Variants in DNAH1 observed in about 807,000 individuals in gnomAD.
DNAH1 encodes axonemal beta dynein heavy chain 1.
In DNAH1, 327 loss-of-function variants were observed where a neutral mutation model predicts 484.3. The observed-to-expected ratio is 0.68, with a 90% confidence interval of 0.62 to 0.74. DNAH1 has a LOEUF of 0.74. DNAH1 is among the 30% of genes least tolerant of loss of function. The pLI is 0.00. For missense variants in DNAH1, 5,052 were observed against 5,546.8 expected (o/e 0.91, Z 2.83); for synonymous variants, 2,192 against 2,191.9 (o/e 1.00, Z 0.00).
Position 52,372,030 on chromosome 3 carries a change from A to G in DNAH1, c.6610A>G (p.Met2204Val), listed in dbSNP as rs199912441. 5.1e-4 allele frequency: 825 copies of G among 1,613,846 alleles called. 4 individuals are homozygous for G. The highest frequency in any genetic ancestry group is 4.4e-4 in the Non-Finnish European group (521 of 1,179,866). Reference sequence around the variant, plus strand: ...CTACTGCAACATCATTGTGCCCACCATGGACACCGTGCAGATGTCCCATTT... The same window carrying G: ...CTACTGCAACATCATTGTGCCCACCGTGGACACCGTGCAGATGTCCCATTT... ...TNYCNIIVPT[M>V]DTVQMSHLLD... The change falls in exon 42 of 78, where the codon ATG becomes GTG. Residue 2204 changes from methionine to valine, a missense_variant. Met to Val is a conservative substitution (Grantham distance 21, BLOSUM62 1). Around this residue, in one of 4 missense-constraint regions of DNAH1, gnomAD observed 2,929 missense variants for 3,409.4 expected, o/e 0.86. Transcript: ENST00000420323.
chr3:52,314,194 A>G (rs1372917765), upstream of DNAH1, among the ~76,000 whole-genome samples: 1 of 152,234 alleles, frequency 6.6e-6, no homozygotes, highest in African/African-American at 2.4e-5. Context: ...GGGACTGAGG[A>G]AAAATCAGAG....
chr3:52,390,749 C>T (rs1352996204), intron 60 of DNAH1, among the ~76,000 whole-genome samples, 186 bp from the exon 61 acceptor site: 2 of 152,124 alleles, frequency 1.3e-5, no homozygotes, highest in South Asian at 4.1e-4. Flanking sequence ...AGCCCAGGAG[C>T]GAGGGAGAGG....
In DNAH1 at chr3:52,331,154, C is replaced by G; in HGVS notation, c.878C>G (p.Pro293Arg). 1 of 1,591,860 alleles carries G rather than the reference C, an allele frequency of 6.3e-7. No individual in the cohort carries two copies. Among genetic ancestry groups the G allele is most frequent in the Non-Finnish European group, 8.6e-7 (1 of 1,168,946 alleles). Residue 293 changes from proline to arginine, a missense_variant, in exon 7 of 78, where the codon CCC (proline) becomes CGC (arginine). Physicochemically the swap from Pro to Arg is moderately radical, Grantham distance 103 (BLOSUM62 -2). Around this residue, in one of 4 missense-constraint regions of DNAH1, gnomAD observed 1,263 missense variants for 1,218.8 expected, o/e 1.04. Coordinates refer to ENST00000420323, the MANE Select transcript of DNAH1 (RefSeq NM_015512.5). ...PTDDFLGHEDPKSQKLKYKWC... is the reference protein window; with the variant it reads ...PTDDFLGHEDRKSQKLKYKWC... Reference sequence around the variant, plus strand: ...GTTTCTCCTCCTGTTTCAGAGGACCCCAAGAGTCAGAAGCTGAAGTACAAA... The same window carrying G: ...GTTTCTCCTCCTGTTTCAGAGGACCGCAAGAGTCAGAAGCTGAAGTACAAA...
intron 47 of DNAH1, among the ~76,000 whole-genome samples, 187 bp downstream of exon 47, chr3:52,378,967 C>G (rs927033436): frequency 3.3e-5 from 5 of 152,248 alleles, no homozygotes; most frequent in African/African-American, 1.2e-4. Flanking sequence ...GAACCCACAC[C>G]TGGAATGGTG....
At chr3:52,367,219 G>A (rs750239321) in intron 36 of DNAH1, among the ~76,000 whole-genome samples, 11 of 152,324 alleles carry the variant, frequency 7.2e-5, no homozygotes, top group Middle Eastern at 3.4e-3. Context: ...CTCCCAGGCC[G>A]GGGTGTGCAT....
intron 46 of DNAH1, 111 bp from the exon 47 acceptor site, chr3:52,378,491 G>A: frequency 8.4e-7 from 1 of 1,190,286 alleles, no homozygotes; most frequent in Non-Finnish European, 1.2e-6. Context: ...GAAGGCTGGG[G>A]AAGGGGCTTG....
intron 44 of DNAH1, chr3:52,374,922 T>C (rs1429758601): frequency 5.4e-6 from 4 of 740,114 alleles, no homozygotes; most frequent in Non-Finnish European, 4.4e-6. Flanking sequence ...ACGTCCAGGG[T>C]TACTTGAAAT....
chr3:52,397,031 C>T lies in DNAH1; in HGVS notation c.11774C>T (p.Thr3925Ile). 2 of 1,606,080 alleles carry T rather than the reference C, an allele frequency of 1.2e-6. No homozygotes were observed. Among genetic ancestry groups the T allele is most frequent in the Non-Finnish European group, 1.7e-6 (2 of 1,176,490 alleles). Residue 3925 changes from threonine (T) to isoleucine (I), a missense_variant, in exon 73 of 78, where the codon ACC (threonine) becomes ATC (isoleucine). Coordinates refer to ENST00000420323, the MANE Select transcript of DNAH1 (RefSeq NM_015512.5). ...ASGIYHQIPPTYDLHGYLSYI... is the reference protein window; with the variant it reads ...ASGIYHQIPPIYDLHGYLSYI... ...GGCATCTACCACCAGATCCCGCCTA[C>T]CTACGACCTCCACGTGAGTCCAGCC...
rs775670824 is a variant in DNAH1, at chr3:52,392,855, C to T, written c.10304C>T (p.Thr3435Met). 17 of 1,602,974 alleles carry T rather than the reference C, an allele frequency of 1.1e-5. No individual in the cohort carries two copies. The highest frequency in any genetic ancestry group is 6.8e-5 in the East Asian group (3 of 44,216). The change falls in exon 65 of 78, where the codon ACG becomes ATG. Residue 3435 changes from threonine to methionine, a missense_variant. Around this residue, in one of 4 missense-constraint regions of DNAH1, gnomAD observed 2,929 missense variants for 3,409.4 expected, o/e 0.86. Transcript: ENST00000420323. The part of the protein sequence containing the change: ...IQAKVRIAEQ[T>M]EKDIDLTRME... Reference sequence around the variant, plus strand: ...GCCAAAGTCAGGATTGCAGAGCAGACGGAGAAGGACATCGACCTGACGCGC... The same window carrying T: ...GCCAAAGTCAGGATTGCAGAGCAGATGGAGAAGGACATCGACCTGACGCGC...
At chr3:52,357,195 G>T (rs1248518341) in intron 22 of DNAH1, among the ~76,000 whole-genome samples, 1 of 152,054 alleles carries the variant, frequency 6.6e-6, no homozygotes, top group Non-Finnish European at 1.5e-5. Flanking sequence ...GGGATTACAG[G>T]CATGCGCCAC....
chr3:52,388,666 A>C, intron 58 of DNAH1, 57 bp downstream of exon 58: 3 of 1,610,680 alleles, frequency 1.9e-6, no homozygotes, highest in Non-Finnish European at 2.5e-6. Context: ...CAGGGGCCAG[A>C]AAGGACCAGG....
Position 52,396,222 on chromosome 3 carries a change from C to T in DNAH1, c.11260-146C>T, listed in dbSNP as rs952853975. ...TGCTGGGATTACAGACGTGAGCCAC[C>T]GCGCCCAGCCAAAAGCCCAATTCTT... is the stretch of plus-strand genomic sequence containing the variant. On this transcript the variant is annotated intron_variant, in intron 70 of 77. Transcript: ENST00000420323. 71 of 879,272 alleles carry T rather than the reference C, an allele frequency of 8.1e-5. 1 individual carries two copies. The highest frequency in any genetic ancestry group is 5.3e-4 in the East Asian group (20 of 37,472). The allele number at this position is 879,272 out of a possible 1,614,324, so 54.5% of individuals were successfully genotyped here. A position where few individuals can be genotyped will look rare whatever the true frequency, so the allele number is the denominator to read the frequency against.
intron 6 of DNAH1, 128 bp downstream of exon 6, chr3:52,328,142 TAGAC>T: frequency 8.3e-7 from 1 of 1,207,544 alleles, no homozygotes; most frequent in Non-Finnish European, 1.1e-6. Flanking sequence ...TCTCAGCTGG[TAGAC>T]AGGCCTAGAA....
rs540592844 is a variant in DNAH1 at position 52,392,341 on chromosome 3, A to C, written c.10053-123A>C. 6 of 874,958 alleles carry C rather than the reference A, an allele frequency of 6.9e-6. No individual in the cohort carries two copies. In the East Asian group the frequency reaches 1.6e-4, roughly 23 times the overall value. 54.2% of individuals were successfully genotyped at this position (874,958 alleles called of 1,614,324 possible). On this transcript the variant is annotated intron_variant, in intron 63 of 77. Coordinates refer to ENST00000420323, the MANE Select transcript of DNAH1 (RefSeq NM_015512.5). ...GATGGAGGCTAGGCCTCCTAGGCCA[A>C]CACTGGCAAGGATGCTGGGCTCTTG...
At chr3:52,372,196 G>A (rs760385925) in intron 42 of DNAH1, 31 bp from the exon 43 acceptor site, 19 of 1,612,104 alleles carry the variant, frequency 1.2e-5, no homozygotes, top group Non-Finnish European at 1.5e-5. Context: ...CAGGCCCACC[G>A]CATGCTCCTG....
chr3:52,346,507 G>A lies in DNAH1; in HGVS notation c.1692G>A (p.Ser564=), dbSNP rs772077602. ...QMFLKDSWIS[S]LKVAMRSSLR... ...TCCTCAAGGACAGCTGGATCAGCTC[G>A]CTAAAGGTGGCCATGCGCAGCAGCC... The change falls in exon 11 of 78, where the codon TCG becomes TCA. Residue 564 remains serine (S), a synonymous_variant. Coordinates refer to ENST00000420323, the MANE Select transcript of DNAH1 (RefSeq NM_015512.5). 9 of 1,612,956 alleles carry A rather than the reference G, an allele frequency of 5.6e-6. No homozygotes were observed. Among genetic ancestry groups the A allele is most frequent in the African/African-American group, 5.3e-5 (4 of 74,916 alleles).
chr3:52,394,200 C>T (rs1483016989), intron 66 of DNAH1, among the ~76,000 whole-genome samples: 1 of 152,282 alleles, frequency 6.6e-6, no homozygotes, highest in Non-Finnish European at 1.5e-5. Flanking sequence ...AGGACTCTGG[C>T]CTGGGAAGCA....
At chr3:52,314,777 G>T (rs1248913735), upstream of DNAH1, among the ~76,000 whole-genome samples, 1 of 152,206 alleles carries the variant, frequency 6.6e-6, no homozygotes, top group Non-Finnish European at 1.5e-5. Context: ...GTCCTGAGAA[G>T]TAGCCCAAGA....
chr3:52,399,326 C>T, intron 76 of DNAH1, 125 bp downstream of exon 76: 1 of 1,091,546 alleles, frequency 9.2e-7, no homozygotes, highest in Admixed American at 2.3e-5. Context: ...AAGACCCAAG[C>T]CAGAAGAGGC....
Sources: allele counts gnomAD v4.1 joint callset (sites outside exome capture counted in the v4.1 genomes callset), GRCh38; gene constraint gnomAD v4.1.1; regional missense constraint gnomAD v4.1.1; transcripts MANE v1.5; gene names NCBI Gene and HGNC (gene_info 2026-07-23, HGNC 2026-07-21).